DNAH17: variants seen among roughly 807,000 people sequenced by gnomAD.
DNAH17 encodes the protein dynein axonemal heavy chain 17.
Under a neutral mutation model 485.6 loss-of-function variants are expected in DNAH17, and 376 were observed. That is an observed-to-expected ratio of 0.77 (90% CI 0.71 to 0.84). The LOEUF is 0.84. Among genes scored for constraint, DNAH17 ranks in the 40% least tolerant of loss-of-function variants. The pLI is 0.00. For missense variants in DNAH17, 6,370 were observed against 5,839.3 expected, an observed-to-expected ratio of 1.09 and a Z score of -2.96; for synonymous variants, 3,031 against 2,405.9, an observed-to-expected ratio of 1.26 and a Z score of -7.60.
chr17:78,492,732 G>T lies in DNAH17; in HGVS notation c.6442C>A (p.Leu2148Met). ...TCCACGGCGACCGGCTTCCTCTTCA[G>T]GTTCTGATAGGTCTTGTTGAGGGAT... The part of the protein sequence containing the change: ...LKSLNKTYQN[L>M]KRKPVAVDLD... The change falls in exon 42 of 81, where the codon CTG becomes ATG. Residue 2148 changes from leucine (L) to methionine (M), a missense_variant. Leu to Met is a conservative substitution (Grantham distance 15). Coordinates refer to ENST00000389840, the MANE Select transcript of DNAH17 (RefSeq NM_173628.4). 6.2e-7 allele frequency: 1 copy of T among 1,612,694 alleles called. No individual in the cohort carries two copies.
rs2088612847 is a variant in DNAH17, at chr17:78,468,855, G to C, written c.8540C>G (p.Ala2847Gly). ...KIDLAAQYIK[A>G]AVKNVPSVFL... is the part of the protein sequence containing the mutation. ...CACCGAGGGAACGTTCTTCACGGCA[G>C]CCTTTATGTACTGAGCAGCGAGGTC... The change falls in exon 55 of 81, where the codon GCT becomes GGT. Residue 2847 changes from alanine (A) to glycine (G), a missense_variant. Coordinates refer to ENST00000389840, the MANE Select transcript of DNAH17 (RefSeq NM_173628.4). The C allele has an allele frequency of 6.2e-7, 1 of 1,613,780 alleles. No homozygotes were observed. Among genetic ancestry groups the C allele is most frequent in the African/African-American group, 1.3e-5 (1 of 74,952 alleles).
intron 74 of DNAH17, among the ~76,000 whole-genome samples, chr17:78,436,711 G>A (rs367712708): frequency 2.6e-5 from 4 of 152,010 alleles, no homozygotes; most frequent in African/African-American, 7.2e-5. Flanking sequence ...TGGGTGTGGT[G>A]GTGCATGCCT....
chr17:78,526,814 G>T lies in DNAH17; in HGVS notation c.3624+66C>A, dbSNP rs1017966432. On this transcript the variant is annotated intron_variant, in intron 23 of 80. Coordinates refer to ENST00000389840, the MANE Select transcript of DNAH17 (RefSeq NM_173628.4). Reference sequence around the variant, plus strand: ...CAAGGGTGGCCCCACCCTGTATGCCGCAGGGCCCTGGGTGAGCCCCACGCT... The same window carrying T: ...CAAGGGTGGCCCCACCCTGTATGCCTCAGGGCCCTGGGTGAGCCCCACGCT... The T allele has an allele frequency of 3.2e-6, 5 of 1,553,388 alleles. No individual in the cohort carries two copies. In the Admixed American group the frequency reaches 7.6e-5, roughly 24 times the overall value.
At chr17:78,535,023 G>C (rs2091337123) in intron 19 of DNAH17, among the ~76,000 whole-genome samples, 1 of 152,168 alleles carries the variant, frequency 6.6e-6, no homozygotes, top group South Asian at 2.1e-4. Flanking sequence ...GTAAGACTCT[G>C]CTAGACCAGC....
intron 16 of DNAH17, among the ~76,000 whole-genome samples, chr17:78,546,911 G>GAA (rs61596687): frequency 0.16 from 23,978 of 150,504 alleles, 1,966 homozygotes; most frequent in African/African-American, 0.19. Context: ...TCTCAAGAAA[G>GAA]AAAAAAAAAA....
intron 69 of DNAH17, 126 bp from the exon 70 acceptor site, chr17:78,445,806 T>G: frequency 1.9e-6 from 2 of 1,065,940 alleles, no homozygotes; most frequent in Middle Eastern, 2.7e-4. Context: ...GTCCTGCCCC[T>G]TTGGTTTGGG....
chr17:78,468,237 G>A (rs1055348834), intron 55 of DNAH17, among the ~76,000 whole-genome samples: 3 of 151,994 alleles, frequency 2.0e-5, no homozygotes, highest in African/African-American at 7.3e-5. Context: ...CATTATATTA[G>A]GTATTATAAG....
At position 78,476,773 on chromosome 17, in the gene DNAH17, C is replaced by T. The variant is rs4969207; in HGVS notation, c.7993-40G>A. ...GGATGATCAGCACCGTCAGCTGTTACGAAGGCGAGCCCAGAGCTGGACACA... is the reference window on the plus strand; with the variant it reads ...GGATGATCAGCACCGTCAGCTGTTATGAAGGCGAGCCCAGAGCTGGACACA... On this transcript the variant is annotated intron_variant, in intron 51 of 80. Coordinates refer to ENST00000389840, the MANE Select transcript of DNAH17 (RefSeq NM_173628.4). The T allele has an allele frequency of 0.21, 329,876 of 1,591,976 alleles. 36,785 individuals carry two copies. The highest frequency in any genetic ancestry group is 0.43 in the African/African-American group (32,157 of 74,142).
At chr17:78,560,137 G>A (rs1403592759) in intron 13 of DNAH17, among the ~76,000 whole-genome samples, 6 of 150,912 alleles carry the variant, frequency 4.0e-5, no homozygotes, top group African/African-American at 1.4e-4. Context: ...TAGGCTCTAG[G>A]AGGGCAGGAC....
intron 67 of DNAH17, 33 bp downstream of exon 67, chr17:78,450,649 G>A: frequency 6.3e-7 from 1 of 1,596,910 alleles, no homozygotes; most frequent in South Asian, 1.1e-5. Flanking sequence ...CCAAGCCCTG[G>A]CTGCCAGGGC....
At chr17:78,573,232 C>T (rs970506750) in intron 2 of DNAH17, among the ~76,000 whole-genome samples, 11 of 152,152 alleles carry the variant, frequency 7.2e-5, no homozygotes, top group African/African-American at 2.7e-4. Flanking sequence ...AACTGTGTCC[C>T]CCAAATCCAT....
intron 25 of DNAH17, among the ~76,000 whole-genome samples, chr17:78,516,458 G>A (rs949884657): frequency 1.3e-5 from 2 of 152,142 alleles, no homozygotes; most frequent in East Asian, 1.9e-4. Flanking sequence ...AGGCCGAGGC[G>A]GGTGGATCAC....
chr17:78,533,304 T>TC (rs1185135592), intron 19 of DNAH17, among the ~76,000 whole-genome samples: 2 of 151,898 alleles, frequency 1.3e-5, no homozygotes, highest in Non-Finnish European at 2.9e-5. Context: ...ATCTCCACCC[T>TC]CCCCCTTGCT....
chr17:78,471,901 G>A (rs140791490), intron 54 of DNAH17, among the ~76,000 whole-genome samples: 3 of 152,264 alleles, frequency 2.0e-5, no homozygotes, highest in East Asian at 1.9e-4. Flanking sequence ...CCCGCTGTGC[G>A]ATGGCCGCCT....
chr17:78,556,744 G>A (rs905661459), intron 14 of DNAH17, among the ~76,000 whole-genome samples: 1 of 152,120 alleles, frequency 6.6e-6, no homozygotes, highest in Non-Finnish European at 1.5e-5. Context: ...AGCGAAAACT[G>A]AAAACAACCC....
chr17:78,485,633 TC>T lies in DNAH17; in HGVS notation c.7399del (p.Asp2467ThrfsTer6). 1 of 1,613,806 alleles carries T rather than the reference TC, an allele frequency of 6.2e-7. No individual in the cohort carries two copies. The highest frequency in any genetic ancestry group is 1.1e-5 in the South Asian group (1 of 91,052). ...AGTGKSVLMG[D>X]KLESLNTDNY... ...GTCCGTGTTCAGGCTTTCCAGCTTG[TC>T]CCCCATCAGCACCGACTTGCCCGTC... is the stretch of plus-strand genomic sequence containing the variant. On this transcript the variant is annotated frameshift_variant, in exon 47 of 81. Coordinates refer to ENST00000389840, the MANE Select transcript of DNAH17 (RefSeq NM_173628.4). LOFTEE classifies it high-confidence loss of function.
intron 69 of DNAH17, among the ~76,000 whole-genome samples, chr17:78,446,300 T>A (rs1392786356): frequency 6.6e-6 from 1 of 152,010 alleles, no homozygotes; most frequent in East Asian, 1.9e-4. Flanking sequence ...GACTTTTTTG[T>A]TACCCCCTCG....
At chr17:78,475,933 G>A (rs1598523452) in intron 52 of DNAH17, 100 bp from the exon 53 acceptor site, 2 of 1,344,018 alleles carry the variant, frequency 1.5e-6, no homozygotes, top group Non-Finnish European at 2.0e-6. Flanking sequence ...GGCCTAGGAG[G>A]TCACCACGGG....
At position 78,571,361 on chromosome 17, in the gene DNAH17, C is replaced by G; in HGVS notation, c.750G>C (p.Val250=). Residue 250 remains valine, a synonymous_variant, in exon 5 of 81, where the codon GTG becomes GTC. Transcript: ENST00000389840. ...TCTCTAGGATCTCAACAATCTTGTT[C>G]ACTTTGGGTCTGTTTAGCTGAGAAG... ...CIHEQLNRPK[V]NKIVEILEKA... 6.2e-7 allele frequency: 1 copy of G among 1,613,826 alleles called. No homozygotes were observed. Among genetic ancestry groups the G allele is most frequent in the South Asian group, 1.1e-5 (1 of 91,048 alleles).
Sources: gnomAD v4.1 joint callset for allele counts (sites outside exome capture counted in the v4.1 genomes callset) on GRCh38, gnomAD v4.1.1 for gene constraint, MANE v1.5 for transcripts, NCBI Gene and HGNC (gene_info 2026-07-23, HGNC 2026-07-21) for gene names.